TMEM132D: variants seen among roughly 807,000 people sequenced by gnomAD.
TMEM132D encodes the protein mature OL transmembrane protein.
In TMEM132D, 21 loss-of-function variants were observed where a neutral mutation model predicts 62.3. The ratio of observed to expected loss-of-function variants is 0.34; its 90% CI spans 0.24 to 0.49. TMEM132D has a LOEUF of 0.49. TMEM132D is among the 20% of genes least tolerant of loss of function. TMEM132D has a pLI of 0.99. For missense variants in TMEM132D, 1,346 were observed against 1,402.8 expected (o/e 0.96, Z 0.65); for synonymous variants, 621 against 575.6 (o/e 1.08, Z -1.13).
intron 3 of TMEM132D, among the ~76,000 whole-genome samples, chr12:129,407,737 T>G (rs1256136561): frequency 6.6e-6 from 1 of 151,436 alleles, no homozygotes; most frequent in Non-Finnish European, 1.5e-5. Flanking sequence ...AAACCCTGTC[T>G]CTACTAAAAA....
intron 1 of TMEM132D, among the ~76,000 whole-genome samples, chr12:129,707,289 A>G (rs913280812): frequency 2.0e-5 from 3 of 149,808 alleles, no homozygotes; most frequent in African/African-American, 7.3e-5. Context: ...TAGATTGTTA[A>G]AAAATGAACA....
intron 2 of TMEM132D, among the ~76,000 whole-genome samples, chr12:129,576,901 T>A (rs1877677800): frequency 6.6e-6 from 1 of 151,922 alleles, no homozygotes; most frequent in Admixed American, 6.6e-5. Flanking sequence ...TTGCAGTATT[T>A]ATCGATACTG....
chr12:129,496,451 A>G (rs4759950), intron 3 of TMEM132D, among the ~76,000 whole-genome samples: 84,758 of 151,892 alleles, frequency 0.56, 24,395 homozygotes, highest in African/African-American at 0.71. Flanking sequence ...CCTGATGTCT[A>G]AAGAGTAAGG....
chr12:129,719,090 A>G (rs111660864), intron 1 of TMEM132D, among the ~76,000 whole-genome samples: 2 of 50,920 alleles, frequency 3.9e-5, no homozygotes, highest in Admixed American at 2.5e-4. Context: ...AATGAAAAAA[A>G]AAAAAAAAAG....
At chr12:129,557,775 G>C (rs1233871713) in intron 2 of TMEM132D, among the ~76,000 whole-genome samples, 1 of 152,166 alleles carries the variant, frequency 6.6e-6, no homozygotes, top group Admixed American at 6.5e-5. Context: ...GCATGGGGCT[G>C]ATGGATGGGT....
chr12:129,179,284 A>C (rs1877996683), intron 5 of TMEM132D, among the ~76,000 whole-genome samples: 1 of 152,294 alleles, frequency 6.6e-6, no homozygotes, highest in Non-Finnish European at 1.5e-5. Context: ...CCAACTTTGC[A>C]GATGTGGGGA....
At chr12:129,638,594 T>TATATATAAATATATATG (rs1565932031) in intron 2 of TMEM132D, among the ~76,000 whole-genome samples, 1,326 of 6,836 alleles carry the variant, frequency 0.19, 51 homozygotes, top group South Asian at 0.47. Context: ...AAATATATAT[T>TATATATAAATATATATG]TTTATATATA....
chr12:129,256,594 G>T (rs1375421178), intron 4 of TMEM132D, among the ~76,000 whole-genome samples: 1 of 152,084 alleles, frequency 6.6e-6, no homozygotes, highest in South Asian at 2.1e-4. Context: ...GGTAGTTTTT[G>T]TATTTTTAGT....
At chr12:129,709,336 C>A (rs922732712) in intron 1 of TMEM132D, among the ~76,000 whole-genome samples, 26 of 152,108 alleles carry the variant, frequency 1.7e-4, no homozygotes, top group African/African-American at 6.3e-4. Flanking sequence ...GCAGTGCCAG[C>A]CATAAAGCTG....
At chr12:129,517,258 A>AT (rs950007165) in intron 3 of TMEM132D, among the ~76,000 whole-genome samples, 2 of 152,052 alleles carry the variant, frequency 1.3e-5, no homozygotes, top group Non-Finnish European at 1.5e-5. Context: ...TGGTGATGAT[A>AT]TTTTTTTTAC....
chr12:129,495,586 T>C (rs1874925766), intron 3 of TMEM132D, among the ~76,000 whole-genome samples: 4 of 152,082 alleles, frequency 2.6e-5, no homozygotes, highest in South Asian at 2.1e-4. Context: ...AGAGGTGGCA[T>C]GAGTGAGCTG....
In TMEM132D at chr12:129,379,778, G is replaced by T. The variant is rs143005990; in HGVS notation, c.1116-41961C>A. The stretch of plus-strand genomic sequence containing the variant: ...GTGCCAACATCTGACCTGCAGGAGT[G>T]GTAATTTCTGGGAAAGAAATTCTGA... On this transcript the variant is annotated intron_variant, in intron 3 of 8. Transcript: ENST00000422113. Among the ~76,000 whole-genome samples, 2 of 152,220 alleles carry T rather than the reference G, an allele frequency of 1.3e-5. 1 individual carries two copies. The highest frequency in any genetic ancestry group is 4.8e-5 in the African/African-American group (2 of 41,534).
chr12:129,315,940 A>G (rs1391048712), intron 4 of TMEM132D, among the ~76,000 whole-genome samples: 6 of 152,174 alleles, frequency 3.9e-5, no homozygotes, highest in Admixed American at 1.3e-4. Flanking sequence ...AGGTGTTCAT[A>G]GTAACCTTGA....
chr12:129,435,716 T>C (rs545062232), intron 3 of TMEM132D, among the ~76,000 whole-genome samples: 2 of 152,356 alleles, frequency 1.3e-5, no homozygotes, highest in Admixed American at 1.3e-4. Flanking sequence ...CTTCATTTTA[T>C]GGTTAAGTCA....
intron 2 of TMEM132D, among the ~76,000 whole-genome samples, chr12:129,575,490 G>A (rs1374334616): frequency 6.6e-6 from 1 of 151,814 alleles, no homozygotes; most frequent in African/African-American, 2.4e-5. Context: ...TACCGGGGCC[G>A]GTTGGTAAGG....
intron 3 of TMEM132D, among the ~76,000 whole-genome samples, chr12:129,366,826 C>T (rs75887777): frequency 0.064 from 9,725 of 152,116 alleles, 366 homozygotes; most frequent in South Asian, 0.12. Context: ...ACCTCTTTCT[C>T]GGGGAACCAC....
chr12:129,426,499 A>T (rs966679346), intron 3 of TMEM132D, among the ~76,000 whole-genome samples: 3 of 152,156 alleles, frequency 2.0e-5, no homozygotes, highest in Non-Finnish European at 4.4e-5. Context: ...TGCCACACTG[A>T]TGTCTCAGTC....
chr12:129,112,195 G>A (rs1273392167), intron 5 of TMEM132D, among the ~76,000 whole-genome samples: 1 of 152,206 alleles, frequency 6.6e-6, no homozygotes, highest in Non-Finnish European at 1.5e-5. Context: ...CAGTGACAAA[G>A]ATTGGGTATA....
intron 8 of TMEM132D, 83 bp downstream of exon 8, chr12:129,078,451 C>A (rs1334757354): frequency 1.7e-5 from 24 of 1,417,652 alleles, no homozygotes; most frequent in Non-Finnish European, 2.2e-5. Flanking sequence ...TATTGTGCGA[C>A]CCGCCTGGCG....
Sources: allele counts gnomAD v4.1 joint callset (sites outside exome capture counted in the v4.1 genomes callset), GRCh38; gene constraint gnomAD v4.1.1; transcripts MANE v1.5; gene names NCBI Gene and HGNC (gene_info 2026-07-23, HGNC 2026-07-21).